Variants in BTBD10 observed in about 807,000 individuals in gnomAD.
BTBD10 encodes BTB/POZ domain-containing protein 10.
In BTBD10, 21 loss-of-function variants were observed where a neutral mutation model predicts 53.2. The observed-to-expected ratio is 0.39, with a 90% CI of 0.28 to 0.57. The LOEUF is 0.57. Ranked by LOEUF, BTBD10 falls within the 20% of genes least tolerant of loss-of-function variation. The probability of loss-of-function intolerance (pLI) is 0.53; values close to 1 mark genes in which losing one functional copy is unlikely to be tolerated. For missense variants in BTBD10, 360 were observed against 594.7 expected (o/e 0.61, Z 4.10); for synonymous variants, 149 against 192.7 (o/e 0.77, Z 1.88).
At chr11:13,439,026 T>C (rs1348546585) in intron 2 of BTBD10, among the ~76,000 whole-genome samples, 1 of 151,924 alleles carries the variant, frequency 6.6e-6, no homozygotes, top group Non-Finnish European at 1.5e-5. Context: ...AGAAATTAAA[T>C]GGGGGAAATT....
chr11:13,443,518 A>G (rs1336990228), intron 2 of BTBD10, among the ~76,000 whole-genome samples: 4 of 152,132 alleles, frequency 2.6e-5, no homozygotes, highest in Non-Finnish European at 4.4e-5. Flanking sequence ...TGAATACTAT[A>G]TAATTCACTT....
At chr11:13,405,269 T>A (rs867310089) in intron 7 of BTBD10, 2 of 155,924 alleles carry the variant, frequency 1.3e-5, no homozygotes, top group African/African-American at 4.8e-5. Flanking sequence ...CAAATTTACG[T>A]AAAAAAACTC....
At chr11:13,433,965 T>G (rs1950500925) in intron 2 of BTBD10, among the ~76,000 whole-genome samples, 1 of 152,208 alleles carries the variant, frequency 6.6e-6, no homozygotes, top group South Asian at 2.1e-4. Flanking sequence ...TCCCAAGGAA[T>G]AAATGCTTAA....
At chr11:13,439,898 T>C (rs1275078354) in intron 2 of BTBD10, 2 of 1,531,674 alleles carry the variant, frequency 1.3e-6, no homozygotes, top group Non-Finnish European at 1.7e-6. Context: ...CTTTAGTATA[T>C]GCCAAGGTAG....
At chr11:13,395,692 A>G (rs1423668310) in intron 8 of BTBD10, among the ~76,000 whole-genome samples, 1 of 152,128 alleles carries the variant, frequency 6.6e-6, no homozygotes, top group Non-Finnish European at 1.5e-5. Flanking sequence ...TAAGTCTTTA[A>G]TCCATCTTGA....
At chr11:13,396,663 T>A (rs1232946556) in intron 8 of BTBD10, among the ~76,000 whole-genome samples, 2 of 152,248 alleles carry the variant, frequency 1.3e-5, no homozygotes, top group African/African-American at 4.8e-5. Context: ...TTCAGTATGA[T>A]ACTGGCTGTG....
chr11:13,429,963 A>C (rs1215653873), intron 2 of BTBD10, among the ~76,000 whole-genome samples: 1 of 151,938 alleles, frequency 6.6e-6, no homozygotes, highest in Non-Finnish European at 1.5e-5. Context: ...AAAATTAGCC[A>C]GGAGTGGTGG....
intron 2 of BTBD10, among the ~76,000 whole-genome samples, chr11:13,443,053 CA>C (rs1416838790): frequency 1.3e-5 from 2 of 151,920 alleles, no homozygotes; most frequent in African/African-American, 4.8e-5. Context: ...GTTTTTCACT[CA>C]AATAACCCTA....
chr11:13,441,191 TA>T, intron 2 of BTBD10, among the ~76,000 whole-genome samples: 1 of 152,260 alleles, frequency 6.6e-6, no homozygotes, highest in Middle Eastern at 3.4e-3. Flanking sequence ...ATAGGCACCC[TA>T]AAAGTCCATC....
intron 6 of BTBD10, 90 bp from the exon 7 acceptor site, chr11:13,405,946 G>T (rs2135775803): frequency 7.9e-7 from 1 of 1,267,518 alleles, no homozygotes; most frequent in Non-Finnish European, 1.1e-6. Context: ...AGAAAGGCCA[G>T]GCAGCCTACA....
intron 2 of BTBD10, among the ~76,000 whole-genome samples, chr11:13,425,968 G>A (rs79402350): frequency 0.014 from 2,107 of 152,068 alleles, 49 homozygotes; most frequent in African/African-American, 0.048. Context: ...TGAAGACAAC[G>A]CAATAGGAAA....
chr11:13,423,768 T>C (rs1950286665), intron 2 of BTBD10, among the ~76,000 whole-genome samples: 1 of 152,186 alleles, frequency 6.6e-6, no homozygotes, highest in African/African-American at 2.4e-5. Context: ...TAAAAATCAG[T>C]CATCACCTTG....
chr11:13,432,725 AAAT>A (rs1051557671), intron 2 of BTBD10, among the ~76,000 whole-genome samples: 8 of 152,088 alleles, frequency 5.3e-5, no homozygotes, highest in Non-Finnish European at 1.2e-4. Context: ...GAGAAATGCA[AAAT>A]AATAGCAGAA....
intron 6 of BTBD10, among the ~76,000 whole-genome samples, chr11:13,412,615 T>G (rs1949984891): frequency 1.3e-5 from 2 of 152,230 alleles, no homozygotes; most frequent in South Asian, 4.1e-4. Context: ...CTCTGAGAAT[T>G]TTTTGTATTA....
chr11:13,407,320 C>T (rs142367501), intron 6 of BTBD10, among the ~76,000 whole-genome samples: 4 of 152,230 alleles, frequency 2.6e-5, no homozygotes, highest in East Asian at 1.9e-4. Context: ...CTTCTGTATT[C>T]GAGATGCATT....
In BTBD10 at chr11:13,419,586, T is replaced by C; in HGVS notation, c.458A>G (p.Tyr153Cys). ...CKTAGEMVFV[Y>C]ENAKEGARNI... Reference sequence around the variant, plus strand: ...CCGAGCTCCTTCTTTTGCATTTTCATATACAAACACCATCTCCCCAGCTGT... The same window carrying C: ...CCGAGCTCCTTCTTTTGCATTTTCACATACAAACACCATCTCCCCAGCTGT... The change falls in exon 4 of 9, where the codon TAT (tyrosine) becomes TGT (cysteine). Residue 153 changes from tyrosine (Y) to cysteine (C), a missense_variant. This residue lies in a region of BTBD10 where 109 missense variants were observed against 118.6 expected (regional missense o/e 0.92). Coordinates refer to ENST00000278174, the MANE Select transcript of BTBD10 (RefSeq NM_032320.7). The C allele has an allele frequency of 3.1e-6, 5 of 1,614,116 alleles. No individual in the cohort carries two copies. The highest frequency in any genetic ancestry group is 3.4e-6 in the Non-Finnish European group (4 of 1,179,984).
At chr11:13,412,170 C>T (rs1259916785) in intron 6 of BTBD10, among the ~76,000 whole-genome samples, 4 of 151,988 alleles carry the variant, frequency 2.6e-5, no homozygotes, top group Non-Finnish European at 5.9e-5. Flanking sequence ...AACAGCAACT[C>T]TGGCCAGGCA....
At position 13,419,754 on chromosome 11, in the gene BTBD10, AAGATGTTAGAC is replaced by A. The variant is rs1340029928; in HGVS notation, c.299-20_299-10del. On this transcript the variant is annotated splice_polypyrimidine_tract_variant and intron_variant, in intron 3 of 8. Transcript: ENST00000278174. ...GTGATCTTTTTCTCGTTCTGAAATA[AAGATGTTAGAC>A]GAAGTTATGCAAATTTTCTTTTACA... 1 of 1,557,190 alleles carries A rather than the reference AAGATGTTAGAC, an allele frequency of 6.4e-7. No homozygotes were observed. The highest frequency in any genetic ancestry group is 1.2e-5 in the South Asian group (1 of 82,982).
chr11:13,394,154 A>G (rs1294349665), intron 8 of BTBD10, among the ~76,000 whole-genome samples: 1 of 152,186 alleles, frequency 6.6e-6, no homozygotes, highest in Non-Finnish European at 1.5e-5. Context: ...CGCACAAAGG[A>G]GCATCTTAAT....
Sources: allele counts gnomAD v4.1 joint callset (sites outside exome capture counted in the v4.1 genomes callset), GRCh38; gene constraint gnomAD v4.1.1; regional missense constraint gnomAD v4.1.1; transcripts MANE v1.5; gene names NCBI Gene and HGNC (gene_info 2026-07-23, HGNC 2026-07-21).